Variants in DIP2C observed in about 807,000 individuals in gnomAD.
DIP2C encodes the protein DIP2 acetate--CoA ligase C (putative).
DIP2C carries 33 observed loss-of-function variants against 192.4 expected under a neutral mutation model. The observed-to-expected ratio is 0.17, with a 90% CI of 0.13 to 0.23. The LOEUF (loss-of-function observed/expected upper bound fraction) is 0.23. Among genes scored for constraint, DIP2C ranks in the 10% least tolerant of loss-of-function variants. The pLI, the probability that DIP2C is intolerant of heterozygous loss-of-function variation, is 1.00. For missense variants in DIP2C, 1,537 were observed against 2,110.1 expected (o/e 0.73, Z 5.32); for synonymous variants, 979 against 864.1 (o/e 1.13, Z -2.33).
At chr10:393,476 G>A (rs1305089050) in intron 10 of DIP2C, among the ~76,000 whole-genome samples, 3 of 152,110 alleles carry the variant, frequency 2.0e-5, no homozygotes, top group Non-Finnish European at 2.9e-5. Context: ...TCAGGGAAAC[G>A]CAAATTAAAA....
chr10:440,721 C>G (rs1034859784), intron 4 of DIP2C, 150 bp downstream of exon 4: 2 of 1,161,082 alleles, frequency 1.7e-6, no homozygotes, highest in Non-Finnish European at 2.3e-6. Flanking sequence ...CCACGTTTAA[C>G]TCATACAACA....
chr10:355,551 GCTTT>G (rs1364078715), intron 24 of DIP2C, among the ~76,000 whole-genome samples: 2 of 152,264 alleles, frequency 1.3e-5, no homozygotes, highest in South Asian at 2.1e-4. Flanking sequence ...CATTTTTCAA[GCTTT>G]ATTTCCATGG....
chr10:586,632 ATTGAG>A (rs1208277621), intron 1 of DIP2C, among the ~76,000 whole-genome samples: 3 of 152,218 alleles, frequency 2.0e-5, no homozygotes, highest in Non-Finnish European at 4.4e-5. Flanking sequence ...TTCACATAGT[ATTGAG>A]TTAACAGATT....
At chr10:430,265 A>C (rs1041544365) in intron 4 of DIP2C, 1 of 152,218 alleles carries the variant, frequency 6.6e-6, no homozygotes, top group Admixed American at 6.5e-5. Context: ...AATGTTGCCG[A>C]GTCTGGAGCA....
At chr10:558,018 T>G (rs924505014) in intron 1 of DIP2C, among the ~76,000 whole-genome samples, 2 of 152,056 alleles carry the variant, frequency 1.3e-5, no homozygotes, top group African/African-American at 4.8e-5. Flanking sequence ...GGCGGACACA[T>G]GACAGAATTA....
intron 1 of DIP2C, among the ~76,000 whole-genome samples, chr10:521,017 CAAGT>C (rs1218820247): frequency 1.3e-5 from 2 of 152,258 alleles, no homozygotes; most frequent in East Asian, 1.9e-4. Context: ...GGAAATATGA[CAAGT>C]AGGTATTACA....
At chr10:511,849 C>A (rs1200221198) in intron 1 of DIP2C, among the ~76,000 whole-genome samples, 1 of 152,226 alleles carries the variant, frequency 6.6e-6, no homozygotes, top group Admixed American at 6.5e-5. Flanking sequence ...ACTGTAAGAA[C>A]AAAGTGAGCC....
At chr10:657,972 G>A (rs1441968958) in intron 1 of DIP2C, among the ~76,000 whole-genome samples, 1 of 90,670 alleles carries the variant, frequency 1.1e-5, no homozygotes, top group African/African-American at 4.3e-5. Context: ...TGGACCTGCC[G>A]CTGGACCTGC....
rs541559219 is a variant in DIP2C at position 542,220 on chromosome 10, C to G, written c.86-55690G>C. Among the ~76,000 whole-genome samples the G allele has an allele frequency of 8.3e-4, 127 of 152,338 alleles. 2 individuals are homozygous for G. The South Asian group carries it at 0.025, about 31-fold the overall frequency. On this transcript the variant is annotated intron_variant, in intron 1 of 36. Coordinates refer to ENST00000280886, the MANE Select transcript of DIP2C (RefSeq NM_014974.3). ...TCCTTCTGCTCCCTGCCTGCCTCTGCGAGTTACCTCCTGGGCGATGCCAGG... is the reference window on the plus strand; with the variant it reads ...TCCTTCTGCTCCCTGCCTGCCTCTGGGAGTTACCTCCTGGGCGATGCCAGG...
At chr10:473,049 C>A (rs1286591492) in intron 2 of DIP2C, among the ~76,000 whole-genome samples, 1 of 152,216 alleles carries the variant, frequency 6.6e-6, no homozygotes, top group Non-Finnish European at 1.5e-5. Context: ...CAGCTTTGCT[C>A]ATTCCAGATT....
intron 30 of DIP2C, among the ~76,000 whole-genome samples, chr10:327,560 G>A (rs895327912): frequency 7.2e-5 from 11 of 152,198 alleles, no homozygotes; most frequent in Non-Finnish European, 1.5e-4. Flanking sequence ...GGAGAGGAAC[G>A]GGAAAAATCT....
chr10:539,356 T>C (rs1239810962), intron 1 of DIP2C, among the ~76,000 whole-genome samples: 2 of 152,228 alleles, frequency 1.3e-5, no homozygotes, highest in African/African-American at 4.8e-5. Context: ...TTATTATTCA[T>C]TAAACAATAT....
In DIP2C at chr10:336,921, TTGTGGAGGCCTAGACTGGTGTGTGCGC is replaced by T. The variant is rs374434394; in HGVS notation, c.3584+4251_3584+4277del. On this transcript the variant is annotated intron_variant, in intron 29 of 36. Coordinates refer to ENST00000280886, the MANE Select transcript of DIP2C (RefSeq NM_014974.3). The stretch of plus-strand genomic sequence containing the variant: ...GTGTGTGTGTGTGTGTGTGTGTGTG[TTGTGGAGGCCTAGACTGGTGTGTGCGC>T]GTGTGTGTGTGTTGTGGAGGCCTAG... Among the ~76,000 whole-genome samples, 456 of 49,806 alleles carry T rather than the reference TTGTGGAGGCCTAGACTGGTGTGTGCGC, an allele frequency of 9.2e-3. 7 individuals are homozygous for T. Among genetic ancestry groups the T allele is most frequent in the Non-Finnish European group, 0.019 (316 of 16,774 alleles). 32.7% of individuals were successfully genotyped at this position (49,806 alleles called of 152,430 possible). A position where few individuals can be genotyped will look rare whatever the true frequency, so the allele number is the denominator to read the frequency against.
chr10:319,998 G>GC (rs1276073895), intron 31 of DIP2C, among the ~76,000 whole-genome samples: 3 of 152,176 alleles, frequency 2.0e-5, no homozygotes, highest in Non-Finnish European at 4.4e-5. Context: ...CTCTTAAGGT[G>GC]CAAGCCCCAG....
Position 422,965 on chromosome 10 carries a change from G to A in DIP2C, c.463C>T (p.Gln155Ter). ...GDSQGTPTSS[Q>*]GSINMEHWIS... Reference sequence around the variant, plus strand: ...CAGTGCTCCATATTGATGCTGCCCTGGCTGGAGGTGGGGGTGCCCTGGGAG... The same window carrying A: ...CAGTGCTCCATATTGATGCTGCCCTAGCTGGAGGTGGGGGTGCCCTGGGAG... The change falls in exon 5 of 37, where the codon CAG becomes TAG. Residue 155 changes from glutamine (Q) to a stop codon, truncating the protein, a stop_gained. Transcript: ENST00000280886. LOFTEE classifies it high-confidence loss of function. 1 of 1,614,196 alleles carries A rather than the reference G, an allele frequency of 6.2e-7. No individual in the cohort carries two copies. Among genetic ancestry groups the A allele is most frequent in the Non-Finnish European group, 8.5e-7 (1 of 1,180,036 alleles).
intron 1 of DIP2C, chr10:664,318 G>A (rs1004075996): frequency 6.6e-6 from 1 of 152,226 alleles, no homozygotes; most frequent in Non-Finnish European, 1.5e-5. Context: ...CTCCAGGAGA[G>A]AGAAAAGAAG....
chr10:329,799 C>G (rs1227318684), intron 29 of DIP2C, among the ~76,000 whole-genome samples, 198 bp from the exon 30 acceptor site: 1 of 152,214 alleles, frequency 6.6e-6, no homozygotes, highest in Non-Finnish European at 1.5e-5. Flanking sequence ...AAAGCAAATA[C>G]GTACTACAGA....
Position 558,172 on chromosome 10 carries a change from A to G in DIP2C, c.86-71642T>C, listed in dbSNP as rs750496823. Reference sequence around the variant, plus strand: ...CCACGCTGTTCCCCAAATACTAACTATGATAAAGACTAGACAGCATCTGAG... The same window carrying G: ...CCACGCTGTTCCCCAAATACTAACTGTGATAAAGACTAGACAGCATCTGAG... On this transcript the variant is annotated intron_variant, in intron 1 of 36. Coordinates refer to ENST00000280886, the MANE Select transcript of DIP2C (RefSeq NM_014974.3). Among the ~76,000 whole-genome samples, 4 of 152,160 alleles carry G rather than the reference A, an allele frequency of 2.6e-5. No homozygotes were observed. The South Asian group carries it at 8.3e-4, about 32-fold the overall frequency.
chr10:387,142 C>T (rs1963018491), intron 14 of DIP2C, among the ~76,000 whole-genome samples: 1 of 152,134 alleles, frequency 6.6e-6, no homozygotes, highest in African/African-American at 2.4e-5. Context: ...CACGAACCAA[C>T]CTTTGACGTT....
Sources: allele counts gnomAD v4.1 joint callset (sites outside exome capture counted in the v4.1 genomes callset), GRCh38; gene constraint gnomAD v4.1.1; transcripts MANE v1.5; gene names NCBI Gene and HGNC (gene_info 2026-07-23, HGNC 2026-07-21).